Variants in LZTFL1 observed in about 807,000 individuals in gnomAD.
LZTFL1 encodes the protein leucine zipper transcription factor-like protein 1.
A neutral mutation model predicts 45.9 loss-of-function variants in LZTFL1; 25 were observed. The ratio of observed to expected loss-of-function variants is 0.54; its 90% confidence interval spans 0.40 to 0.76. LZTFL1 has a LOEUF of 0.76. LZTFL1 is among the 30% of genes least tolerant of loss of function. The probability of loss-of-function intolerance (pLI) is 0.00; values close to 1 mark genes in which losing one functional copy is unlikely to be tolerated. For synonymous variants in LZTFL1, 93 were observed against 117.4 expected (o/e 0.79, Z 1.35); for missense variants, 277 against 331.1 (o/e 0.84, Z 1.27).
chr3:45,888,016 G>A (rs1702036341), intron 2 of LZTFL1, among the ~76,000 whole-genome samples: 1 of 152,240 alleles, frequency 6.6e-6, no homozygotes, highest in Non-Finnish European at 1.5e-5. Context: ...CTATAAGTGT[G>A]GGGAGATGCT....
chr3:45,867,427 T>G (rs1254389689), intron 2 of LZTFL1, among the ~76,000 whole-genome samples: 2 of 152,218 alleles, frequency 1.3e-5, no homozygotes, highest in Non-Finnish European at 2.9e-5. Flanking sequence ...TTCAAGTTTT[T>G]TTTTTCTTGC....
At chr3:45,857,007 A>G (rs531614759) in intron 3 of LZTFL1, among the ~76,000 whole-genome samples, 1 of 152,348 alleles carries the variant, frequency 6.6e-6, no homozygotes, top group African/African-American at 2.4e-5. Flanking sequence ...TGACCCAGCA[A>G]TCCCACTACT....
At chr3:45,862,557 C>G (rs1257730434) in intron 2 of LZTFL1, among the ~76,000 whole-genome samples, 1 of 152,242 alleles carries the variant, frequency 6.6e-6, no homozygotes. Context: ...CACCAACCCT[C>G]GCGGGGAAAC....
upstream of LZTFL1, chr3:45,842,302 A>G (rs1052101592): frequency 3.4e-5 from 25 of 725,862 alleles, no homozygotes; most frequent in Non-Finnish European, 5.0e-5. Flanking sequence ...TGCAGAAGGT[A>G]GCGGGAGGGT....
At chr3:45,912,109 C>T (rs1489551613) in intron 2 of LZTFL1, among the ~76,000 whole-genome samples, 3 of 152,306 alleles carry the variant, frequency 2.0e-5, no homozygotes, top group South Asian at 4.1e-4. Context: ...CCCAGGGTGC[C>T]GTCATATACT....
intron 1 of LZTFL1, among the ~76,000 whole-genome samples, chr3:45,913,773 T>A (rs951985716): frequency 2.0e-5 from 3 of 152,134 alleles, no homozygotes; most frequent in African/African-American, 7.2e-5. Flanking sequence ...GCTTAGGAAC[T>A]CCCTCCTAAA....
At chr3:45,843,716 C>T (rs974818655), upstream of LZTFL1, among the ~76,000 whole-genome samples, 1 of 152,162 alleles carries the variant, frequency 6.6e-6, no homozygotes, top group Non-Finnish European at 1.5e-5. Context: ...TCACCATTAG[C>T]CAATCTACCC....
chr3:45,892,787 G>A (rs12638201), intron 2 of LZTFL1, among the ~76,000 whole-genome samples: 9,405 of 152,148 alleles, frequency 0.062, 336 homozygotes, highest in Middle Eastern at 0.092. Context: ...GATCTCTCAA[G>A]TTGGCTACAA....
At chr3:45,913,189 T>C (rs1456026330) in intron 1 of LZTFL1, 6 of 1,513,260 alleles carry the variant, frequency 4.0e-6, no homozygotes, top group Non-Finnish European at 4.4e-6. Context: ...TAGAAAATTA[T>C]ACAATTACAC....
intron 2 of LZTFL1, among the ~76,000 whole-genome samples, chr3:45,873,203 T>C (rs1330071802): frequency 6.6e-6 from 1 of 152,230 alleles, no homozygotes; most frequent in Non-Finnish European, 1.5e-5. Flanking sequence ...TGGGGATTTG[T>C]TAATGGCAGA....
upstream of LZTFL1, among the ~76,000 whole-genome samples, chr3:45,843,442 G>C (rs74638318): frequency 2.2e-3 from 338 of 152,272 alleles, 3 homozygotes; most frequent in African/African-American, 7.6e-3. Context: ...GCGAGATGAA[G>C]TTCATAAAAA....
intron 2 of LZTFL1, among the ~76,000 whole-genome samples, chr3:45,862,318 A>G (rs1331989840): frequency 2.0e-5 from 3 of 152,196 alleles, no homozygotes; most frequent in South Asian, 4.1e-4. Context: ...TTCAGCCTCC[A>G]CTGGAGGGGA....
At chr3:45,832,159 T>C (rs763735415) in intron 5 of LZTFL1, among the ~76,000 whole-genome samples, 21 of 151,866 alleles carry the variant, frequency 1.4e-4, no homozygotes, top group Non-Finnish European at 2.9e-4. Flanking sequence ...AGGTGGAGCT[T>C]GGAGTGAGCC....
intron 2 of LZTFL1, among the ~76,000 whole-genome samples, chr3:45,906,821 G>A (rs532051791): frequency 6.6e-6 from 1 of 152,350 alleles, no homozygotes; most frequent in East Asian, 1.9e-4. Flanking sequence ...GCCTAGGCAT[G>A]TGTCTGAACC....
intron 2 of LZTFL1, among the ~76,000 whole-genome samples, chr3:45,905,039 C>T (rs529374428): frequency 6.6e-6 from 1 of 152,298 alleles, no homozygotes; most frequent in African/African-American, 2.4e-5. Context: ...TGTTCAGGGG[C>T]TCCCCGTGAC....
chr3:45,847,982 A>C (rs1701244593), intron 4 of LZTFL1, among the ~76,000 whole-genome samples: 1 of 152,196 alleles, frequency 6.6e-6, no homozygotes, highest in Non-Finnish European at 1.5e-5. Context: ...TAGTTGGCAG[A>C]AGCTGCCAAC....
At position 45,857,606 on chromosome 3, in the gene LZTFL1, C is replaced by A. The variant is rs1226619051; in HGVS notation, c.-138+1334G>T. On this transcript the variant is annotated intron_variant, in intron 3 of 4. Coordinates refer to the LZTFL1 transcript ENST00000472635. Reference sequence around the variant, plus strand: ...CCAACCTAGGAGTTAATTACATTGACAAAATTGCCTAATAGACTAAAACTC... The same window carrying A: ...CCAACCTAGGAGTTAATTACATTGAAAAAATTGCCTAATAGACTAAAACTC... Among the ~76,000 whole-genome samples, 3 of 152,166 alleles carry A rather than the reference C, an allele frequency of 2.0e-5. No homozygotes were observed. The South Asian group carries it at 6.2e-4, about 32-fold the overall frequency.
exon 2 of LZTFL1, chr3:45,913,176 G>A: frequency 6.5e-7 from 1 of 1,533,058 alleles, no homozygotes; most frequent in Non-Finnish European, 8.7e-7. Flanking sequence ...TACAGCAAGA[G>A]CCTAGAAAAT....
intron 2 of LZTFL1, among the ~76,000 whole-genome samples, chr3:45,886,304 G>A (rs1215120644): frequency 6.6e-6 from 1 of 152,218 alleles, no homozygotes; most frequent in African/African-American, 2.4e-5. Flanking sequence ...CAGCTGTGCT[G>A]TCTAGGAAGA....
Sources: allele counts gnomAD v4.1 joint callset (sites outside exome capture counted in the v4.1 genomes callset), GRCh38; gene constraint gnomAD v4.1.1; transcripts MANE v1.5; gene names NCBI Gene and HGNC (gene_info 2026-07-23, HGNC 2026-07-21).